Variants in GAS2 observed in about 807,000 individuals in gnomAD.
GAS2 encodes growth arrest-specific protein 2.
GAS2 carries 20 observed loss-of-function variants against 37.5 expected under a neutral mutation model. The ratio of observed to expected loss-of-function variants is 0.53; its 90% CI spans 0.37 to 0.77. The LOEUF is 0.77. Ranked by LOEUF, GAS2 falls within the 30% of genes least tolerant of loss-of-function variation. The probability of loss-of-function intolerance (pLI) is 0.00; values close to 1 mark genes in which losing one functional copy is unlikely to be tolerated. For synonymous variants in GAS2, 144 were observed against 132.2 expected, an observed-to-expected ratio of 1.09 and a Z score of -0.61; for missense variants, 336 against 373.4, an observed-to-expected ratio of 0.90 and a Z score of 0.82.
At chr11:22,686,759 T>G (rs1466453898) in intron 3 of GAS2, among the ~76,000 whole-genome samples, 2 of 151,348 alleles carry the variant, frequency 1.3e-5, no homozygotes, top group Admixed American at 6.6e-5. Flanking sequence ...AAAAAAATAA[T>G]AAAATAAAAA....
At chr11:22,748,304 C>G (rs1225534975) in intron 5 of GAS2, among the ~76,000 whole-genome samples, 1 of 151,852 alleles carries the variant, frequency 6.6e-6, no homozygotes, top group African/African-American at 2.4e-5. Flanking sequence ...ATCCCCAAAA[C>G]CCTTCACAAC....
At chr11:22,811,083 T>C (rs1284403720) in intron 7 of GAS2, among the ~76,000 whole-genome samples, 1 of 152,144 alleles carries the variant, frequency 6.6e-6, no homozygotes, top group Admixed American at 6.5e-5. Context: ...ACCTCCATGA[T>C]ATATTTTACT....
At chr11:22,730,701 G>A (rs1004876891) in intron 4 of GAS2, among the ~76,000 whole-genome samples, 20 of 151,654 alleles carry the variant, frequency 1.3e-4, no homozygotes, top group Non-Finnish European at 2.7e-4. Context: ...TAGTTGATCA[G>A]TCTATAAACA....
At chr11:22,690,881 C>T (rs1452836283) in intron 3 of GAS2, among the ~76,000 whole-genome samples, 1 of 152,158 alleles carries the variant, frequency 6.6e-6, no homozygotes, top group Non-Finnish European at 1.5e-5. Context: ...TTTCCCCCAC[C>T]CCCACCAATC....
intron 6 of GAS2, among the ~76,000 whole-genome samples, chr11:22,753,882 G>T (rs1853875422): frequency 1.3e-5 from 2 of 152,184 alleles, no homozygotes; most frequent in Non-Finnish European, 2.9e-5. Flanking sequence ...ACATTCATTG[G>T]TCCTGTGACC....
intron 6 of GAS2, among the ~76,000 whole-genome samples, chr11:22,751,576 C>T (rs1249535426): frequency 6.6e-6 from 1 of 151,912 alleles, no homozygotes; most frequent in African/African-American, 2.4e-5. Context: ...TTCTGTTTAT[C>T]CATGTTGGCC....
intron 7 of GAS2, among the ~76,000 whole-genome samples, chr11:22,780,870 A>C (rs1855526611): frequency 6.6e-6 from 1 of 152,206 alleles, no homozygotes. Flanking sequence ...AAACAGCTTA[A>C]TCCTAGATTC....
chr11:22,698,896 A>T (rs1295433290), intron 3 of GAS2, among the ~76,000 whole-genome samples: 3 of 152,170 alleles, frequency 2.0e-5, no homozygotes, highest in Admixed American at 2.0e-4. Flanking sequence ...TGATGGTTCT[A>T]GTGTTTACCA....
At chr11:22,773,386 CTTTTTTTT>C (rs34014416) in intron 7 of GAS2, among the ~76,000 whole-genome samples, 5 of 64,954 alleles carry the variant, frequency 7.7e-5, no homozygotes, top group Admixed American at 4.4e-4. Flanking sequence ...ACACCTCAAT[CTTTTTTTT>C]TTTTTTTTTT....
intron 7 of GAS2, among the ~76,000 whole-genome samples, chr11:22,787,200 T>C (rs1855857938): frequency 6.6e-6 from 1 of 152,196 alleles, no homozygotes; most frequent in Admixed American, 6.5e-5. Context: ...TTTTCTGAAA[T>C]GTATGACGTA....
At chr11:22,722,559 T>C (rs1461324390) in intron 3 of GAS2, among the ~76,000 whole-genome samples, 1 of 151,948 alleles carries the variant, frequency 6.6e-6, no homozygotes, top group Non-Finnish European at 1.5e-5. Context: ...GACTGTTTTC[T>C]ATTCATTATT....
intron 5 of GAS2, among the ~76,000 whole-genome samples, chr11:22,748,843 G>A: frequency 6.6e-6 from 1 of 151,980 alleles, no homozygotes; most frequent in Non-Finnish European, 1.5e-5. Context: ...TCATGTTGCT[G>A]TTTCATTAAT....
At chr11:22,785,072 G>T (rs1431415445) in intron 7 of GAS2, among the ~76,000 whole-genome samples, 1 of 152,100 alleles carries the variant, frequency 6.6e-6, no homozygotes, top group African/African-American at 2.4e-5. Context: ...TATTCCAAAT[G>T]TAGAGATTCT....
Position 22,749,117 on chromosome 11 carries a change from A to G in GAS2, c.474-3A>G. 1 of 1,606,812 alleles carries G rather than the reference A, an allele frequency of 6.2e-7. No individual in the cohort carries two copies. Among genetic ancestry groups the G allele is most frequent in the Non-Finnish European group, 8.5e-7 (1 of 1,177,264 alleles). ...TATGTAATGATCCAGGGTCTTTTTA[A>G]AGGTATGGTGTGGAGCCTCCTGGTT... On this transcript the variant is annotated splice_region_variant and splice_polypyrimidine_tract_variant and intron_variant, in intron 5 of 7. Transcript: ENST00000454584.
At chr11:22,646,913 C>CT (rs1006420923) in intron 1 of GAS2, among the ~76,000 whole-genome samples, 310 of 145,590 alleles carry the variant, frequency 2.1e-3, no homozygotes, top group African/African-American at 7.3e-3. Context: ...TTCTTTCTTT[C>CT]TTTTTTTTTA....
At chr11:22,684,916 G>A (rs1849866660) in intron 2 of GAS2, among the ~76,000 whole-genome samples, 1 of 152,184 alleles carries the variant, frequency 6.6e-6, no homozygotes, top group Non-Finnish European at 1.5e-5. Flanking sequence ...AGAATCTAGA[G>A]ATATGGTTTT....
At chr11:22,643,472 A>C (rs2133820508) in intron 1 of GAS2, among the ~76,000 whole-genome samples, 1 of 151,920 alleles carries the variant, frequency 6.6e-6, no homozygotes, top group East Asian at 1.9e-4. Flanking sequence ...AAAAAAAAAA[A>C]AACGATATAG....
At chr11:22,774,523 A>G (rs187754593) in intron 7 of GAS2, among the ~76,000 whole-genome samples, 58 of 152,324 alleles carry the variant, frequency 3.8e-4, no homozygotes, top group Admixed American at 1.0e-3. Flanking sequence ...GCATTTTCTT[A>G]AAGTAACAAC....
At chr11:22,728,955 C>A (rs1425933533) in intron 4 of GAS2, among the ~76,000 whole-genome samples, 2 of 150,174 alleles carry the variant, frequency 1.3e-5, no homozygotes, top group East Asian at 4.0e-4. Flanking sequence ...GCAGAATTGA[C>A]TTTCTTGCAA....
Sources: allele counts gnomAD v4.1 joint callset (sites outside exome capture counted in the v4.1 genomes callset), GRCh38; gene constraint gnomAD v4.1.1; transcripts MANE v1.5; gene names NCBI Gene and HGNC (gene_info 2026-07-23, HGNC 2026-07-21).